The following ATP8B4 variants were observed in gnomAD, a reference collection of about 807,000 sequenced individuals.
ATP8B4 encodes ATPase phospholipid transporting 8B4 (putative).
Under a neutral mutation model 145.6 loss-of-function variants are expected in ATP8B4, and 133 were observed. The observed-to-expected ratio is 0.91, with a 90% CI of 0.79 to 1.05. The LOEUF (loss-of-function observed/expected upper bound fraction) is 1.05, where lower values mean the gene tolerates loss of function less well. Ranked by LOEUF, ATP8B4 falls within the 50% of genes least tolerant of loss-of-function variation. ATP8B4 has a pLI of 0.00. For synonymous variants in ATP8B4, 507 were observed against 492.9 expected, an observed-to-expected ratio of 1.03 and a Z score of -0.38; for missense variants, 1,458 against 1,425.2, an observed-to-expected ratio of 1.02 and a Z score of -0.37.
chr15:50,010,426 C>G (rs994151815), intron 7 of ATP8B4, among the ~76,000 whole-genome samples: 6 of 151,870 alleles, frequency 4.0e-5, no homozygotes, highest in African/African-American at 1.4e-4. Flanking sequence ...TATCTTTTCT[C>G]TTTCTCTAGC....
chr15:49,983,096 C>T (rs2046297225), intron 10 of ATP8B4, among the ~76,000 whole-genome samples: 1 of 152,122 alleles, frequency 6.6e-6, no homozygotes, highest in Non-Finnish European at 1.5e-5. Context: ...TATCTTCTTA[C>T]TCAATCTACC....
At chr15:50,104,887 A>ACACACACACACCCCCC (rs753542910) in intron 2 of ATP8B4, among the ~76,000 whole-genome samples, 2 of 151,510 alleles carry the variant, frequency 1.3e-5, no homozygotes, top group South Asian at 2.1e-4. Flanking sequence ...ACACACACAC[A>ACACACACACACCCCCC]CCCATATATA....
At chr15:50,154,014 C>A (rs1036720156) in intron 1 of ATP8B4, among the ~76,000 whole-genome samples, 1 of 152,166 alleles carries the variant, frequency 6.6e-6, no homozygotes, top group Non-Finnish European at 1.5e-5. Context: ...AATATCCAAG[C>A]TCAATCTTTA....
intron 6 of ATP8B4, among the ~76,000 whole-genome samples, chr15:50,023,438 T>C (rs2049744577): frequency 6.6e-6 from 1 of 152,162 alleles, no homozygotes; most frequent in South Asian, 2.1e-4. Flanking sequence ...TATAAGCATT[T>C]ATACCACAGT....
intron 6 of ATP8B4, among the ~76,000 whole-genome samples, chr15:50,024,452 G>A (rs1347954088): frequency 6.6e-6 from 1 of 152,166 alleles, no homozygotes; most frequent in Non-Finnish European, 1.5e-5. Flanking sequence ...CAGGCAGCCA[G>A]CCAGATGAGC....
At chr15:49,991,201 A>G (rs1259462851) in intron 9 of ATP8B4, among the ~76,000 whole-genome samples, 1 of 152,158 alleles carries the variant, frequency 6.6e-6, no homozygotes, top group Non-Finnish European at 1.5e-5. Context: ...TTTTTAACCA[A>G]AAAGAGATGC....
intron 23 of ATP8B4, chr15:49,896,538 G>A (rs1243166398): frequency 6.6e-6 from 1 of 152,060 alleles, no homozygotes; most frequent in Non-Finnish European, 1.5e-5. Flanking sequence ...TGAGTGTTAT[G>A]GTTACCATTT....
chr15:49,981,178 A>G (rs1390339556), intron 11 of ATP8B4, 28 bp downstream of exon 11: 1 of 1,455,292 alleles, frequency 6.9e-7, no homozygotes, highest in Non-Finnish European at 9.6e-7. Flanking sequence ...AACAATGACT[A>G]GTGATATTGC....
intron 26 of ATP8B4, among the ~76,000 whole-genome samples, chr15:49,862,899 A>G (rs2032108376): frequency 6.6e-6 from 1 of 152,194 alleles, no homozygotes; most frequent in Admixed American, 6.5e-5. Context: ...TCTCTCACCC[A>G]GGCTCAGTCT....
intron 22 of ATP8B4, 50 bp from the exon 23 acceptor site, chr15:49,897,565 CTT>C: frequency 7.2e-7 from 1 of 1,382,856 alleles, no homozygotes; most frequent in South Asian, 2.0e-5. Flanking sequence ...GCCACGATCT[CTT>C]TTGGAAACTT....
intron 1 of ATP8B4, among the ~76,000 whole-genome samples, chr15:50,176,211 C>T (rs534304421): frequency 1.3e-5 from 2 of 152,144 alleles, no homozygotes; most frequent in East Asian, 3.9e-4. Flanking sequence ...GAATTAACAG[C>T]ATTTGCAGTG....
intron 14 of ATP8B4, among the ~76,000 whole-genome samples, chr15:49,954,386 G>A (rs1035449324): frequency 3.9e-5 from 6 of 152,110 alleles, no homozygotes; most frequent in Non-Finnish European, 5.9e-5. Flanking sequence ...CATCAAGAGA[G>A]TAAACAGACA....
intron 13 of ATP8B4, among the ~76,000 whole-genome samples, chr15:49,963,088 G>A (rs963315256): frequency 5.9e-5 from 9 of 152,000 alleles, no homozygotes; most frequent in East Asian, 1.9e-4. Context: ...CCCGACAACC[G>A]CCATTAAAAT....
At chr15:50,154,333 G>A (rs1426056220) in intron 1 of ATP8B4, among the ~76,000 whole-genome samples, 1 of 151,880 alleles carries the variant, frequency 6.6e-6, no homozygotes, top group Non-Finnish European at 1.5e-5. Flanking sequence ...CACTAGTTCT[G>A]TTCTATCTTG....
At chr15:49,901,714 C>A (rs1020668203) in intron 20 of ATP8B4, 4 of 356,068 alleles carry the variant, frequency 1.1e-5, no homozygotes, top group Non-Finnish European at 2.2e-5. Flanking sequence ...TAATACGATC[C>A]AGCTTAAAAT....
chr15:50,168,474 A>G (rs8037819), intron 1 of ATP8B4, among the ~76,000 whole-genome samples: 14,574 of 152,172 alleles, frequency 0.096, 937 homozygotes, highest in African/African-American at 0.17. Context: ...AGCTGAGTCA[A>G]TTTGGAGAGC....
intron 1 of ATP8B4, among the ~76,000 whole-genome samples, chr15:50,177,980 T>A (rs1214351526): frequency 6.6e-6 from 1 of 152,190 alleles, no homozygotes. Context: ...ATAGGAAGCC[T>A]TCTCTCAAAT....
At chr15:49,878,627 C>G (rs1205453187) in intron 24 of ATP8B4, among the ~76,000 whole-genome samples, 1 of 152,202 alleles carries the variant, frequency 6.6e-6, no homozygotes, top group Non-Finnish European at 1.5e-5. Context: ...CAGACTTTTT[C>G]CCCTTTCCAG....
intron 17 of ATP8B4, among the ~76,000 whole-genome samples, chr15:49,921,799 A>T (rs1048209252): frequency 6.6e-6 from 1 of 152,228 alleles, no homozygotes; most frequent in Non-Finnish European, 1.5e-5. Context: ...TATAGTAGGC[A>T]GTTGGTAGCA....
Sources: allele counts gnomAD v4.1 joint callset (sites outside exome capture counted in the v4.1 genomes callset), GRCh38; gene constraint gnomAD v4.1.1; transcripts MANE v1.5; gene names NCBI Gene and HGNC (gene_info 2026-07-23, HGNC 2026-07-21).